GOLGB1: variants seen among roughly 807,000 people sequenced by gnomAD.
GOLGB1 encodes golgin subfamily B member 1.
In GOLGB1, 174 loss-of-function variants were observed where a neutral mutation model predicts 336.9. The observed-to-expected ratio is 0.52, with a 90% CI of 0.46 to 0.59. The LOEUF is 0.59. Among genes scored for constraint, GOLGB1 ranks in the 20% least tolerant of loss-of-function variants. The probability of loss-of-function intolerance (pLI) is 0.00; values close to 1 mark genes in which losing one functional copy is unlikely to be tolerated. For missense variants in GOLGB1, 3,331 were observed against 3,645.3 expected, an observed-to-expected ratio of 0.91 and a Z score of 2.22; for synonymous variants, 1,208 against 1,289.2, an observed-to-expected ratio of 0.94 and a Z score of 1.35.
chr3:121,714,813 C>G (rs1236968052), intron 10 of GOLGB1, 48 bp downstream of exon 10: 3 of 1,147,390 alleles, frequency 2.6e-6, no homozygotes, highest in Middle Eastern at 1.9e-4. Context: ...AGTACAGATA[C>G]AGCAAAGACA....
rs1945665826 is a variant in GOLGB1, at chr3:121,726,981, C to G, written c.463G>C (p.Glu155Gln). 6.2e-7 allele frequency: 1 copy of G among 1,603,794 alleles called. No individual in the cohort carries two copies. The highest frequency in any genetic ancestry group is 8.5e-7 in the Non-Finnish European group (1 of 1,172,850). The change falls in exon 5 of 22, where the codon GAG (glutamate) becomes CAG (glutamine). Residue 155 changes from glutamate (E) to glutamine (Q), a missense_variant. Transcript: ENST00000614479. Reference sequence around the variant, plus strand: ...AAAGTGCTGATTAGTTCCTCCTTCTCCTGGAGCTTATGTTTTATCTTTTCT... The same window carrying G: ...AAAGTGCTGATTAGTTCCTCCTTCTGCTGGAGCTTATGTTTTATCTTTTCT... ...EIEKIKHKLQ[E>Q]KEELISTLQA...
Position 121,695,237 on chromosome 3 carries a change from T to C in GOLGB1, c.5286A>G (p.Gln1762=). 1 of 1,613,746 alleles carries C rather than the reference T, an allele frequency of 6.2e-7. No individual in the cohort carries two copies. ...SEKDSLSEEV[Q]DLKHQIEGNV... ...TACCTTCTATCTGATGCTTTAAATCTTGAACCTCTTCACTTAGAGAGTCTT... is the reference window on the plus strand; with the variant it reads ...TACCTTCTATCTGATGCTTTAAATCCTGAACCTCTTCACTTAGAGAGTCTT... Residue 1762 remains glutamine, a synonymous_variant, in exon 13 of 22, where the codon CAA becomes CAG. Coordinates refer to ENST00000614479, the MANE Select transcript of GOLGB1 (RefSeq NM_001366282.2).
At chr3:121,705,325 T>C (rs1271523487) in intron 10 of GOLGB1, among the ~76,000 whole-genome samples, 7 of 152,244 alleles carry the variant, frequency 4.6e-5, no homozygotes, top group African/African-American at 1.7e-4. Flanking sequence ...TAGATGACTT[T>C]TGCTTCTGCT....
Position 121,669,288 on chromosome 3 carries a change from C to T in GOLGB1, c.9245G>A (p.Arg3082His), listed in dbSNP as rs114155768. The T allele has an allele frequency of 1.6e-3, 2,563 of 1,613,868 alleles. 17 individuals are homozygous for T. Among genetic ancestry groups the T allele is most frequent in the Middle Eastern group, 7.6e-3 (46 of 6,058 alleles). Reference sequence around the variant, plus strand: ...GTCACCATAGTGCTGCTGGTTCTCACGAAGACTCTGACTGGTATCGCAGAG... The same window carrying T: ...GTCACCATAGTGCTGCTGGTTCTCATGAAGACTCTGACTGGTATCGCAGAG... ...IQLCDTSQSL[R>H]ENQQHYGDLL... Residue 3082 changes from arginine (R) to histidine (H), a missense_variant, in exon 18 of 22, where the codon CGT becomes CAT. Coordinates refer to ENST00000614479, the MANE Select transcript of GOLGB1 (RefSeq NM_001366282.2).
rs200193552 is a variant in GOLGB1 at position 121,690,981 on chromosome 3, A to G, written c.8383T>C (p.Phe2795Leu). The G allele has an allele frequency of 1.9e-6, 3 of 1,614,106 alleles. No homozygotes were observed. The African/African-American group carries it at 4.0e-5, about 22-fold the overall frequency. ...TTCTCCTCAGTGGAGTTCATTGAAA[A>G]GGCGGTTTCAGAAAGAAGAGCATCT... ...ERDALLSETA[F>L]SMNSTEENSL... The change falls in exon 14 of 22, where the codon TTT (phenylalanine) becomes CTT (leucine). Residue 2795 changes from phenylalanine to leucine, a missense_variant. Physicochemically the swap from Phe to Leu is conservative, Grantham distance 22. Coordinates refer to ENST00000614479, the MANE Select transcript of GOLGB1 (RefSeq NM_001366282.2).
chr3:121,667,374 T>A, intron 20 of GOLGB1, 102 bp downstream of exon 20: 1 of 1,252,674 alleles, frequency 8.0e-7, no homozygotes, highest in Non-Finnish European at 1.1e-6. Context: ...TACCTCAAGA[T>A]GAGAAAAAGA....
chr3:121,690,929 T>C lies in GOLGB1; in HGVS notation c.8435A>G (p.Asn2812Ser). The C allele has an allele frequency of 6.2e-7, 1 of 1,614,234 alleles. No homozygotes were observed. The highest frequency in any genetic ancestry group is 8.5e-7 in the Non-Finnish European group (1 of 1,180,020). Residue 2812 changes from asparagine (N) to serine (S), a missense_variant, in exon 14 of 22, where the codon AAC (asparagine) becomes AGC (serine). Asn to Ser is a conservative substitution (Grantham distance 46). Coordinates refer to ENST00000614479, the MANE Select transcript of GOLGB1 (RefSeq NM_001366282.2). ...ENSLSHLEKL[N>S]QQLLSKDEQL... ...CTCATCTTTGGATAGGAGCTGTTGG[T>C]TAAGTTTCTCAAGGTGAGACAAGCT...
intron 10 of GOLGB1, among the ~76,000 whole-genome samples, chr3:121,714,337 C>T (rs12631803): frequency 0.13 from 19,352 of 152,176 alleles, 1,455 homozygotes; most frequent in African/African-American, 0.2. Flanking sequence ...TCGATGATTA[C>T]AATCTAGCTC....
At position 121,691,315 on chromosome 3, in the gene GOLGB1, A is replaced by G; in HGVS notation, c.8049T>C (p.Asp2683=). ...EAAKKVGEIE[D]KLKKELKHLH... ...GATGCTTTAATTCTTTCTTCAGTTT[A>G]TCTTCAATTTCACCTACCTTCTTGG... Residue 2683 remains aspartate, a synonymous_variant, in exon 14 of 22, where the codon GAT becomes GAC. Coordinates refer to ENST00000614479, the MANE Select transcript of GOLGB1 (RefSeq NM_001366282.2). 6.2e-7 allele frequency: 1 copy of G among 1,612,516 alleles called. No homozygotes were observed. The highest frequency in any genetic ancestry group is 8.5e-7 in the Non-Finnish European group (1 of 1,179,696).
intron 1 of GOLGB1, among the ~76,000 whole-genome samples, chr3:121,739,936 T>C (rs936005660): frequency 4.6e-5 from 7 of 152,078 alleles, no homozygotes; most frequent in African/African-American, 1.2e-4. Context: ...GAAAATTACA[T>C]TGAATGAAAA....
At chr3:121,718,363 G>C in intron 8 of GOLGB1, 25 bp downstream of exon 8, 4 of 1,438,660 alleles carry the variant, frequency 2.8e-6, no homozygotes, top group Non-Finnish European at 2.9e-6. Flanking sequence ...CTCCAAGGCA[G>C]GAAGTAAAGA....
intron 17 of GOLGB1, among the ~76,000 whole-genome samples, chr3:121,670,758 G>GGT (rs1553850751): frequency 1.3e-5 from 2 of 149,330 alleles, no homozygotes; most frequent in Non-Finnish European, 3.0e-5. Flanking sequence ...TTTCTTTTGG[G>GGT]GGGGGGGGTG....
At position 121,714,947 on chromosome 3, in the gene GOLGB1, T is replaced by G; in HGVS notation, c.1318A>C (p.Ser440Arg). The G allele has an allele frequency of 6.2e-7, 1 of 1,610,494 alleles. No homozygotes were observed. The highest frequency in any genetic ancestry group is 1.1e-5 in the South Asian group (1 of 90,992). Residue 440 changes from serine (S) to arginine (R), a missense_variant, in exon 10 of 22, where the codon AGC becomes CGC. Transcript: ENST00000614479. ...AAGGGCAGTCTATTTAGAAATTGGC[T>G]AATTTCTTTGGATTTTTGCTGGAGC... ...DQLQQKSKEI[S>R]QFLNRLPLQQ...
Position 121,691,421 on chromosome 3 carries a change from C to T in GOLGB1, c.7943G>A (p.Arg2648Lys). 1 of 1,613,764 alleles carries T rather than the reference C, an allele frequency of 6.2e-7. No homozygotes were observed. Among genetic ancestry groups the T allele is most frequent in the Non-Finnish European group, 8.5e-7 (1 of 1,179,974 alleles). Residue 2648 changes from arginine to lysine, a missense_variant, in exon 14 of 22, where the codon AGG becomes AAG. Coordinates refer to ENST00000614479, the MANE Select transcript of GOLGB1 (RefSeq NM_001366282.2). ...QLKVKEEEVH[R>K]LSALFSSSQK... is the part of the protein sequence containing the mutation. Reference sequence around the variant, plus strand: ...AGAGGAGGAAAACAAAGCACTTAACCTGTGTACCTCTTCTTCTTTTACTTT... The same window carrying T: ...AGAGGAGGAAAACAAAGCACTTAACTTGTGTACCTCTTCTTCTTTTACTTT...
chr3:121,697,107 T>A lies in GOLGB1; in HGVS notation c.3416A>T (p.Asp1139Val). 6.2e-7 allele frequency: 1 copy of A among 1,614,080 alleles called. No homozygotes were observed. Among genetic ancestry groups the A allele is most frequent in the Non-Finnish European group, 8.5e-7 (1 of 1,179,932 alleles). Residue 1139 changes from aspartate (D) to valine (V), a missense_variant, in exon 13 of 22, where the codon GAT (aspartate) becomes GTT (valine). By Grantham distance (152) the Asp-to-Val change is radical (BLOSUM62 -3). Coordinates refer to ENST00000614479, the MANE Select transcript of GOLGB1 (RefSeq NM_001366282.2). Reference sequence around the variant, plus strand: ...CTTTACAAGTGCTACGGAGTCCCCATCACTTGCATCCGTGTTACTTGTGAT... The same window carrying A: ...CTTTACAAGTGCTACGGAGTCCCCAACACTTGCATCCGTGTTACTTGTGAT... ...KLITSNTDAS[D>V]GDSVALVKET...
Position 121,690,919 on chromosome 3 carries a change from G to A in GOLGB1, c.8445C>T (p.Leu2815=). The A allele has an allele frequency of 6.2e-7, 1 of 1,614,102 alleles. No individual in the cohort carries two copies. The highest frequency in any genetic ancestry group is 8.5e-7 in the Non-Finnish European group (1 of 1,179,918). ...GAAGCAATTGCTCATCTTTGGATAG[G>A]AGCTGTTGGTTAAGTTTCTCAAGGT... The part of the protein sequence containing the change: ...LSHLEKLNQQ[L]LSKDEQLLHL... Residue 2815 remains leucine, a synonymous_variant, in exon 14 of 22, where the codon CTC becomes CTT. Coordinates refer to ENST00000614479, the MANE Select transcript of GOLGB1 (RefSeq NM_001366282.2).
chr3:121,718,709 C>T (rs939991516), intron 7 of GOLGB1, among the ~76,000 whole-genome samples: 2 of 152,062 alleles, frequency 1.3e-5, no homozygotes, highest in African/African-American at 4.8e-5. Context: ...CCAACAACAA[C>T]CAGACCCAGA....
Position 121,719,685 on chromosome 3 carries a change from C to A in GOLGB1, c.732G>T (p.Gln244His). 6.2e-7 allele frequency: 1 copy of A among 1,610,654 alleles called. No individual in the cohort carries two copies. The highest frequency in any genetic ancestry group is 1.1e-5 in the South Asian group (1 of 90,704). Reference sequence around the variant, plus strand: ...TTTCCACATCTGCCTGGGTTACTAACTGAAGAAGCTCATCTTCATGAAGAC... The same window carrying A: ...TTTCCACATCTGCCTGGGTTACTAAATGAAGAAGCTCATCTTCATGAAGAC... ...QVRLHEDELL[Q>H]LVTQADVETE... The change falls in exon 7 of 22, where the codon CAG (glutamine) becomes CAT (histidine). Residue 244 changes from glutamine to histidine, a missense_variant. Coordinates refer to ENST00000614479, the MANE Select transcript of GOLGB1 (RefSeq NM_001366282.2).
chr3:121,700,384 G>A (rs1943296868), intron 11 of GOLGB1, among the ~76,000 whole-genome samples: 1 of 152,070 alleles, frequency 6.6e-6, no homozygotes, highest in African/African-American at 2.4e-5. Context: ...AGGTTACGCA[G>A]CTAGTTCAGG....
Sources: allele counts gnomAD v4.1 joint callset (sites outside exome capture counted in the v4.1 genomes callset), GRCh38; gene constraint gnomAD v4.1.1; transcripts MANE v1.5; gene names NCBI Gene and HGNC (gene_info 2026-07-23, HGNC 2026-07-21).